The following SLC39A12 variants were observed in gnomAD, a reference collection of about 807,000 sequenced individuals.
The protein encoded by SLC39A12 is solute carrier family 39 member 12.
In SLC39A12, 63 loss-of-function variants were observed where a neutral mutation model predicts 71.1. The observed-to-expected ratio is 0.89, with a 90% confidence interval of 0.72 to 1.09. The LOEUF (loss-of-function observed/expected upper bound fraction) is 1.09. Among genes scored for constraint, SLC39A12 ranks in the 50% least tolerant of loss-of-function variants. The probability of loss-of-function intolerance (pLI) is 0.00; values close to 1 mark genes in which losing one functional copy is unlikely to be tolerated. For synonymous variants in SLC39A12, 351 were observed against 301.3 expected (o/e 1.16, Z -1.71); for missense variants, 892 against 812.6 (o/e 1.10, Z -1.19).
At chr10:18,030,614 TTATTTATG>T (rs1258285750) in intron 12 of SLC39A12, among the ~76,000 whole-genome samples, 5 of 116,236 alleles carry the variant, frequency 4.3e-5, no homozygotes, top group African/African-American at 8.8e-5. Flanking sequence ...TTTATTTTAT[TTATTTATG>T]TATTTATTTA....
chr10:17,953,612 C>T lies in SLC39A12; in HGVS notation c.261+75C>T, dbSNP rs529819138. ...CAATGGATTCTATAGGGATTTATTT[C>T]AGTAAAGCAAAATCACAGGCAAATC... On this transcript the variant is annotated intron_variant, in intron 2 of 12. Transcript: ENST00000377369. 20 of 1,495,952 alleles carry T rather than the reference C, an allele frequency of 1.3e-5. No homozygotes were observed. In the South Asian group the frequency reaches 2.4e-4, roughly 18 times the overall value. The allele number at this position is 1,495,952 out of a possible 1,614,324, so 92.7% of individuals were successfully genotyped here.
chr10:18,022,218 T>C (rs145145231), intron 12 of SLC39A12, among the ~76,000 whole-genome samples: 14 of 152,324 alleles, frequency 9.2e-5, no homozygotes, highest in African/African-American at 3.4e-4. Flanking sequence ...CAAATATGTT[T>C]TCCAATTTGC....
chr10:17,953,570 G>C lies in SLC39A12; in HGVS notation c.261+33G>C, dbSNP rs373844175. The C allele has an allele frequency of 8.2e-5, 132 of 1,605,504 alleles. No individual in the cohort carries two copies. The African/African-American group carries it at 1.6e-3, about 20-fold the overall frequency. On this transcript the variant is annotated intron_variant, in intron 2 of 12. Coordinates refer to ENST00000377369, the MANE Select transcript of SLC39A12 (RefSeq NM_001145195.2). ...AAATAGAATGGGGTCAGGTATCAGG[G>C]CATGTCCAAAAGAAAGCAATGGATT...
intron 5 of SLC39A12, among the ~76,000 whole-genome samples, chr10:17,978,692 C>T (rs920299994): frequency 7.2e-5 from 11 of 152,314 alleles, no homozygotes; most frequent in African/African-American, 2.4e-4. Context: ...CATGCATCTT[C>T]TAAGAATGCC....
At chr10:18,030,528 C>T (rs1589257070) in intron 12 of SLC39A12, among the ~76,000 whole-genome samples, 1 of 151,924 alleles carries the variant, frequency 6.6e-6, no homozygotes, top group African/African-American at 2.4e-5. Context: ...CGTGAGCCAC[C>T]GTGCCCGGCC....
Position 18,000,748 on chromosome 10 carries a change from C to T in SLC39A12, c.1682C>T (p.Ala561Val), listed in dbSNP as rs749133640. ...HNFADGLAIGAAFSSSSESGV... is the reference protein window; with the variant it reads ...HNFADGLAIGVAFSSSSESGV... ...TTTGCAGATGGCCTAGCCATAGGAG[C>T]AGCCTTCTCATCATCATCCGAGTCA... The change falls in exon 11 of 13, where the codon GCA becomes GTA. Residue 561 changes from alanine to valine, a missense_variant. By Grantham distance (64) the Ala-to-Val change is moderately conservative. Transcript: ENST00000377369. 2.5e-6 allele frequency: 4 copies of T among 1,614,010 alleles called. No homozygotes were observed. The African/African-American group carries it at 5.3e-5, about 22-fold the overall frequency.
At chr10:17,955,572 AG>A (rs1181028753) in intron 2 of SLC39A12, among the ~76,000 whole-genome samples, 6 of 152,206 alleles carry the variant, frequency 3.9e-5, no homozygotes, top group Admixed American at 6.5e-5. Flanking sequence ...GCTGACAGGC[AG>A]GGTTCATGCT....
intron 12 of SLC39A12, among the ~76,000 whole-genome samples, chr10:18,017,866 T>C (rs1358399016): frequency 6.6e-6 from 1 of 152,224 alleles, no homozygotes; most frequent in Admixed American, 6.5e-5. Context: ...TTGGCTATTA[T>C]GGATTTCTTC....
At chr10:17,981,211 C>T (rs2437261) in intron 5 of SLC39A12, 101 bp from the exon 6 acceptor site, 7 of 1,033,320 alleles carry the variant, frequency 6.8e-6, no homozygotes, top group African/African-American at 4.8e-5. Context: ...TGTGTGTTCT[C>T]GCTATTCCAT....
At chr10:17,967,729 A>C (rs1484050361) in intron 4 of SLC39A12, among the ~76,000 whole-genome samples, 1 of 145,684 alleles carries the variant, frequency 6.9e-6, no homozygotes, top group Non-Finnish European at 1.5e-5. Context: ...TAAAAAATAC[A>C]AAAAAAAATA....
chr10:18,039,935 T>C (rs952790844), intron 12 of SLC39A12, among the ~76,000 whole-genome samples: 9 of 152,188 alleles, frequency 5.9e-5, no homozygotes, highest in African/African-American at 2.2e-4. Context: ...GTTGAACTAA[T>C]ATCAAGGCAT....
intron 6 of SLC39A12, among the ~76,000 whole-genome samples, chr10:17,983,618 C>T (rs979858117): frequency 2.0e-5 from 3 of 152,068 alleles, no homozygotes; most frequent in Non-Finnish European, 2.9e-5. Context: ...CCCGTCTCTA[C>T]TAAAAATACA....
At chr10:18,036,272 TCAGA>T (rs1304638090) in intron 12 of SLC39A12, among the ~76,000 whole-genome samples, 2 of 152,144 alleles carry the variant, frequency 1.3e-5, no homozygotes, top group Non-Finnish European at 2.9e-5. Context: ...CAGTTTGATC[TCAGA>T]CTGCTGTGCC....
chr10:18,039,355 C>G (rs550285974), intron 12 of SLC39A12, among the ~76,000 whole-genome samples: 120 of 152,256 alleles, frequency 7.9e-4, no homozygotes, highest in African/African-American at 2.8e-3. Context: ...ATGCAGCTTA[C>G]TGGGACAAAG....
chr10:17,975,427 G>T lies in SLC39A12; in HGVS notation c.752-2475G>T, dbSNP rs555855679. 1.5e-4 allele frequency among the ~76,000 whole-genome samples: 23 copies of T among 152,280 alleles called. 1 individual carries two copies. In the Middle Eastern group the frequency reaches 0.01, roughly 68 times the overall value. ...TGGGTCCTTCCCTTCAAGGCAGCAG[G>T]TTCCTTTCTGGCCCAGGGCATGTCT... On this transcript the variant is annotated intron_variant, in intron 4 of 12. Transcript: ENST00000377369.
intron 3 of SLC39A12, 113 bp downstream of exon 3, chr10:17,961,975 A>G: frequency 8.9e-7 from 1 of 1,127,016 alleles, no homozygotes; most frequent in Non-Finnish European, 1.2e-6. Flanking sequence ...GGAGGTAAGT[A>G]TTTGTGGGTT....
At chr10:18,015,278 C>A (rs1309562848) in intron 12 of SLC39A12, among the ~76,000 whole-genome samples, 1 of 152,046 alleles carries the variant, frequency 6.6e-6, no homozygotes, top group Non-Finnish European at 1.5e-5. Flanking sequence ...TCTTTGTAAT[C>A]ATTTTTTAGT....
chr10:18,017,292 A>G lies in SLC39A12; in HGVS notation c.1947+13934A>G, dbSNP rs576174572. ...GGTTTTGCATTTTTAATTCAGGTCTATGCTTTATTGTGAAGTAATTAATTT... is the reference window on the plus strand; with the variant it reads ...GGTTTTGCATTTTTAATTCAGGTCTGTGCTTTATTGTGAAGTAATTAATTT... On this transcript the variant is annotated intron_variant, in intron 12 of 12. Transcript: ENST00000377369. Among the ~76,000 whole-genome samples, 7 of 152,082 alleles carry G rather than the reference A, an allele frequency of 4.6e-5. No homozygotes were observed. In the East Asian group the frequency reaches 1.2e-3, roughly 25 times the overall value.
chr10:17,957,293 G>GT (rs775330626), intron 2 of SLC39A12, among the ~76,000 whole-genome samples: 23 of 152,130 alleles, frequency 1.5e-4, no homozygotes, highest in Non-Finnish European at 3.4e-4. Context: ...CATGTGATGT[G>GT]GCTCCAGGAT....
Sources: allele counts gnomAD v4.1 joint callset (sites outside exome capture counted in the v4.1 genomes callset), GRCh38; gene constraint gnomAD v4.1.1; transcripts MANE v1.5; gene names NCBI Gene and HGNC (gene_info 2026-07-23, HGNC 2026-07-21).